The following GATAD2A variants were observed in gnomAD, a reference collection of about 807,000 sequenced individuals.
The protein encoded by GATAD2A is transcriptional repressor p66-alpha.
In GATAD2A, 12 loss-of-function variants were observed where a neutral mutation model predicts 68.5. That is an observed-to-expected ratio of 0.18 (90% CI 0.11 to 0.28). GATAD2A has a LOEUF of 0.28. Ranked by LOEUF, GATAD2A falls within the 10% of genes least tolerant of loss-of-function variation. GATAD2A has a pLI of 1.00. For missense variants in GATAD2A, 755 were observed against 868.5 expected (o/e 0.87, Z 1.64); for synonymous variants, 410 against 375.3 (o/e 1.09, Z -1.07).
chr19:19,476,148 C>G (rs987582052), intron 2 of GATAD2A, among the ~76,000 whole-genome samples: 3 of 152,188 alleles, frequency 2.0e-5, no homozygotes, highest in Admixed American at 6.5e-5. Flanking sequence ...ATGTTATTAT[C>G]CTGTGGTGGC....
chr19:19,472,001 C>T (rs773151934), intron 2 of GATAD2A, among the ~76,000 whole-genome samples: 1 of 152,102 alleles, frequency 6.6e-6, no homozygotes, highest in Non-Finnish European at 1.5e-5. Context: ...GCTCAAGCCA[C>T]TCAAGTAGGT....
intron 2 of GATAD2A, among the ~76,000 whole-genome samples, chr19:19,490,789 G>T (rs946092538): frequency 5.3e-5 from 8 of 152,158 alleles, no homozygotes; most frequent in African/African-American, 1.9e-4. Flanking sequence ...GGAGGCTGAG[G>T]CAGGAGAATC....
intron 1 of GATAD2A, among the ~76,000 whole-genome samples, chr19:19,448,882 C>T (rs1187792658): frequency 6.6e-6 from 1 of 152,142 alleles, no homozygotes; most frequent in African/African-American, 2.4e-5. Context: ...GGGGTGAAGA[C>T]AGGCTTTCAT....
chr19:19,499,399 C>G (rs2060371300), intron 8 of GATAD2A, among the ~76,000 whole-genome samples: 1 of 152,266 alleles, frequency 6.6e-6, no homozygotes, highest in South Asian at 2.1e-4. Context: ...CTGGTGACTG[C>G]ATCAGACTCT....
At chr19:19,467,114 G>A (rs1413479305) in intron 2 of GATAD2A, among the ~76,000 whole-genome samples, 1 of 152,220 alleles carries the variant, frequency 6.6e-6, no homozygotes, top group African/African-American at 2.4e-5. Context: ...GGTGACTCAC[G>A]CCTGTAATCC....
chr19:19,392,126 ACC>A, intron 1 of GATAD2A, among the ~76,000 whole-genome samples: 1 of 122,032 alleles, frequency 8.2e-6, no homozygotes, highest in African/African-American at 3.3e-5. Flanking sequence ...GTGCTCTGTC[ACC>A]CAGGCTGGAG....
chr19:19,396,864 A>G (rs956158433), intron 1 of GATAD2A, among the ~76,000 whole-genome samples: 6 of 151,996 alleles, frequency 3.9e-5, no homozygotes, highest in Admixed American at 3.3e-4. Flanking sequence ...GCCTGCCACC[A>G]TGCAGGGCTA....
At chr19:19,426,856 A>G (rs2053154729) in intron 1 of GATAD2A, among the ~76,000 whole-genome samples, 1 of 152,338 alleles carries the variant, frequency 6.6e-6, no homozygotes, top group Admixed American at 6.5e-5. Context: ...AGCGGAGGGA[A>G]GGACTAGTTG....
At chr19:19,466,763 T>C (rs973880168) in intron 2 of GATAD2A, among the ~76,000 whole-genome samples, 1 of 152,256 alleles carries the variant, frequency 6.6e-6, no homozygotes, top group Non-Finnish European at 1.5e-5. Flanking sequence ...CTGACTCTGC[T>C]GTCTGCAGTC....
rs747209678 is a variant in GATAD2A at position 19,494,334 on chromosome 19, C to A, written c.575C>A (p.Pro192Gln). ...GGGAGCACCGTGACCACCCCTCCCC[C>A]GCTTGTTCGGGGCACTCAGAACATT... ...SVGSTVTTPP[P>Q]LVRGTQNIPA... Residue 192 changes from proline (P) to glutamine (Q), a missense_variant, in exon 5 of 12, where the codon CCG (proline) becomes CAG (glutamine). Coordinates refer to ENST00000683918, the MANE Select transcript of GATAD2A (RefSeq NM_001384528.1). 5.0e-6 allele frequency: 8 copies of A among 1,613,426 alleles called. No individual in the cohort carries two copies. Among genetic ancestry groups the A allele is most frequent in the South Asian group, 1.1e-5 (1 of 91,072 alleles).
At chr19:19,422,771 A>T (rs148795149) in intron 1 of GATAD2A, among the ~76,000 whole-genome samples, 2 of 146,432 alleles carry the variant, frequency 1.4e-5, no homozygotes, top group African/African-American at 2.6e-5. Flanking sequence ...GAGTGCAGTG[A>T]CGCGATCTTG....
intron 1 of GATAD2A, among the ~76,000 whole-genome samples, chr19:19,432,713 T>C (rs2053892050): frequency 6.6e-6 from 1 of 152,114 alleles, no homozygotes; most frequent in South Asian, 2.1e-4. Context: ...GACCTCAAAG[T>C]GGGGAGGGTC....
chr19:19,428,537 C>G (rs1329482745), intron 1 of GATAD2A, among the ~76,000 whole-genome samples: 1 of 152,170 alleles, frequency 6.6e-6, no homozygotes, highest in East Asian at 1.9e-4. Context: ...ATTGGGCCCA[C>G]TGTTTAACTG....
chr19:19,455,145 A>G (rs2056808897), intron 1 of GATAD2A, among the ~76,000 whole-genome samples: 1 of 151,650 alleles, frequency 6.6e-6, no homozygotes, highest in African/African-American at 2.4e-5. Flanking sequence ...TCTTGAGCCC[A>G]GGAGCTTGAG....
chr19:19,440,081 A>G, intron 1 of GATAD2A: 1 of 375,860 alleles, frequency 2.7e-6, no homozygotes, highest in Non-Finnish European at 5.2e-6. Context: ...GTGGTGCCTG[A>G]GCCCCTGAGT....
chr19:19,463,618 G>A (rs1041734976), intron 1 of GATAD2A, among the ~76,000 whole-genome samples: 2 of 152,194 alleles, frequency 1.3e-5, no homozygotes, highest in Admixed American at 6.5e-5. Context: ...ACAGGTGGAG[G>A]CAAGTCTGAA....
chr19:19,434,704 G>T (rs747957152), intron 1 of GATAD2A, among the ~76,000 whole-genome samples: 2 of 152,160 alleles, frequency 1.3e-5, no homozygotes, highest in African/African-American at 2.4e-5. Context: ...CATAGCCCTG[G>T]ACGTCTGATG....
At chr19:19,449,396 GT>G (rs2056120343) in intron 1 of GATAD2A, among the ~76,000 whole-genome samples, 1 of 152,078 alleles carries the variant, frequency 6.6e-6, no homozygotes, top group African/African-American at 2.4e-5. Context: ...TAGAGACAGG[GT>G]CCAGGCGGTT....
chr19:19,391,244 C>A (rs1278161642), intron 1 of GATAD2A, among the ~76,000 whole-genome samples: 1 of 152,182 alleles, frequency 6.6e-6, no homozygotes, highest in Non-Finnish European at 1.5e-5. Flanking sequence ...CTGAACTAGG[C>A]CCCTGGTGGG....
Sources: gnomAD v4.1 joint callset for allele counts (sites outside exome capture counted in the v4.1 genomes callset) on GRCh38, gnomAD v4.1.1 for gene constraint, MANE v1.5 for transcripts, NCBI Gene and HGNC (gene_info 2026-07-23, HGNC 2026-07-21) for gene names.